CNTN5: variants seen among roughly 807,000 people sequenced by gnomAD.
CNTN5 encodes contactin 5.
A neutral mutation model predicts 129.1 loss-of-function variants in CNTN5; 77 were observed. That is an observed-to-expected ratio of 0.60 (90% CI 0.50 to 0.72). The LOEUF (loss-of-function observed/expected upper bound fraction) is 0.72, where lower values mean the gene tolerates loss of function less well. Ranked by LOEUF, CNTN5 falls within the 30% of genes least tolerant of loss-of-function variation. The pLI, the probability that CNTN5 is intolerant of heterozygous loss-of-function variation, is 0.00. For synonymous variants in CNTN5, 509 were observed against 465.6 expected (o/e 1.09, Z -1.20); for missense variants, 1,478 against 1,328.8 (o/e 1.11, Z -1.75).
intron 16 of CNTN5, among the ~76,000 whole-genome samples, chr11:100,244,197 C>T (rs1427399839): frequency 1.3e-5 from 2 of 152,176 alleles, no homozygotes; most frequent in Non-Finnish European, 2.9e-5. Flanking sequence ...CTTAAGCCAT[C>T]AGCTTCTCCT....
At chr11:99,243,190 A>C (rs1861647664) in intron 1 of CNTN5, among the ~76,000 whole-genome samples, 1 of 152,128 alleles carries the variant, frequency 6.6e-6, no homozygotes, top group African/African-American at 2.4e-5. Flanking sequence ...TGTGAGAGGC[A>C]TCTCATTGTG....
chr11:99,080,004 A>G lies in CNTN5; in HGVS notation c.-210+58734A>G, dbSNP rs576107225. The stretch of plus-strand genomic sequence containing the variant: ...CAGGAACAGAGTACTGTTATGCTTT[A>G]CATTCCACATGTGTAACACGAAGCC... On this transcript the variant is annotated intron_variant, in intron 1 of 24. Coordinates refer to ENST00000524871, the MANE Select transcript of CNTN5 (RefSeq NM_014361.4). Among the ~76,000 whole-genome samples the G allele has an allele frequency of 2.6e-5, 4 of 152,334 alleles. No individual in the cohort carries two copies. The East Asian group carries it at 7.7e-4, about 29-fold the overall frequency.
intron 3 of CNTN5, among the ~76,000 whole-genome samples, chr11:99,743,928 TA>T (rs961229345): frequency 2.0e-5 from 3 of 152,186 alleles, no homozygotes; most frequent in Non-Finnish European, 4.4e-5. Flanking sequence ...TCAGAAGCAG[TA>T]AATGTTGAAT....
chr11:99,107,465 T>C (rs1867051400), intron 1 of CNTN5, among the ~76,000 whole-genome samples: 1 of 152,220 alleles, frequency 6.6e-6, no homozygotes, highest in Non-Finnish European at 1.5e-5. Flanking sequence ...TAGTTTAGTC[T>C]TTATGTAGTT....
chr11:99,430,132 T>C (rs1236298217), intron 2 of CNTN5, among the ~76,000 whole-genome samples: 1 of 151,904 alleles, frequency 6.6e-6, no homozygotes, highest in Non-Finnish European at 1.5e-5. Context: ...GGGGTGTGAG[T>C]TATTAGACTC....
At chr11:99,380,970 G>T (rs1041968976) in intron 2 of CNTN5, among the ~76,000 whole-genome samples, 1 of 152,144 alleles carries the variant, frequency 6.6e-6, no homozygotes. Context: ...ACGGATTTAA[G>T]AAGTACCAAA....
chr11:100,072,565 A>C (rs1250531687), intron 12 of CNTN5, among the ~76,000 whole-genome samples: 1 of 152,158 alleles, frequency 6.6e-6, no homozygotes, highest in Non-Finnish European at 1.5e-5. Flanking sequence ...ATACTCACTC[A>C]TTGTCTTTCC....
At chr11:100,137,275 T>A (rs538415861) in intron 13 of CNTN5, among the ~76,000 whole-genome samples, 208 of 152,224 alleles carry the variant, frequency 1.4e-3, no homozygotes, top group African/African-American at 4.7e-3. Flanking sequence ...AGGAGGCTTA[T>A]AATGTGAAAT....
chr11:99,590,349 C>T (rs993495442), intron 3 of CNTN5, among the ~76,000 whole-genome samples: 4 of 152,238 alleles, frequency 2.6e-5, no homozygotes, highest in African/African-American at 9.6e-5. Context: ...AACTCAGAAA[C>T]CCTGGGTTCA....
chr11:100,063,011 G>T (rs1420619368), intron 10 of CNTN5, among the ~76,000 whole-genome samples: 1 of 152,072 alleles, frequency 6.6e-6, no homozygotes, highest in African/African-American at 2.4e-5. Context: ...TGTTGAACCG[G>T]AACTTTACTA....
At chr11:99,431,899 A>G (rs984286111) in intron 2 of CNTN5, among the ~76,000 whole-genome samples, 1 of 152,086 alleles carries the variant, frequency 6.6e-6, no homozygotes, top group Non-Finnish European at 1.5e-5. Context: ...TGAGGACTTG[A>G]GTATTTAAAG....
intron 21 of CNTN5, among the ~76,000 whole-genome samples, chr11:100,318,102 G>A (rs1329267493): frequency 6.6e-6 from 1 of 152,006 alleles, no homozygotes; most frequent in South Asian, 2.1e-4. Flanking sequence ...TTAGCCGGGC[G>A]CGGTGGTGGG....
chr11:100,123,423 G>C (rs987568915), intron 13 of CNTN5, among the ~76,000 whole-genome samples: 1 of 151,972 alleles, frequency 6.6e-6, no homozygotes, highest in African/African-American at 2.4e-5. Context: ...TAAATATGGT[G>C]AGTTGTATGC....
chr11:100,182,067 A>G (rs1485681861), intron 13 of CNTN5, among the ~76,000 whole-genome samples: 1 of 152,112 alleles, frequency 6.6e-6, no homozygotes, highest in Non-Finnish European at 1.5e-5. Flanking sequence ...AGAGGTCATT[A>G]TGCTATAGTA....
At chr11:99,793,028 C>A (rs1415976277) in intron 3 of CNTN5, among the ~76,000 whole-genome samples, 1 of 151,368 alleles carries the variant, frequency 6.6e-6, no homozygotes, top group Non-Finnish European at 1.5e-5. Flanking sequence ...TATTTTTTTG[C>A]CTGTATTAGT....
At chr11:99,544,552 C>T (rs1948227896) in intron 2 of CNTN5, among the ~76,000 whole-genome samples, 1 of 152,108 alleles carries the variant, frequency 6.6e-6, no homozygotes, top group East Asian at 1.9e-4. Flanking sequence ...ATTTTAAATG[C>T]TTGTTTCTGA....
At chr11:99,129,290 G>A (rs892767561) in intron 1 of CNTN5, among the ~76,000 whole-genome samples, 1 of 152,166 alleles carries the variant, frequency 6.6e-6, no homozygotes, top group Non-Finnish European at 1.5e-5. Flanking sequence ...AACATAGCAC[G>A]AGAACTCTGT....
intron 15 of CNTN5, among the ~76,000 whole-genome samples, chr11:100,209,527 T>A (rs1948981175): frequency 6.6e-6 from 1 of 152,178 alleles, no homozygotes; most frequent in Admixed American, 6.5e-5. Context: ...TAATAGAAAA[T>A]CAGCAACAGT....
chr11:100,046,203 G>T (rs962632095), intron 9 of CNTN5, among the ~76,000 whole-genome samples: 2 of 151,936 alleles, frequency 1.3e-5, no homozygotes, highest in African/African-American at 4.8e-5. Context: ...TGAGTTAATG[G>T]GTGCATCAAA....
Sources: allele counts gnomAD v4.1 joint callset (sites outside exome capture counted in the v4.1 genomes callset), GRCh38; gene constraint gnomAD v4.1.1; transcripts MANE v1.5; gene names NCBI Gene and HGNC (gene_info 2026-07-23, HGNC 2026-07-21).